The following MAML3 variants were observed in gnomAD, a reference collection of about 807,000 sequenced individuals.
The protein encoded by MAML3 is mastermind-like protein 3.
A neutral mutation model predicts 101.9 loss-of-function variants in MAML3; 27 were observed. That is an observed-to-expected ratio of 0.27 (90% CI 0.20 to 0.37). The LOEUF is 0.37. MAML3 is among the 10% of genes least tolerant of loss of function. The pLI is 1.00. For synonymous variants in MAML3, 501 were observed against 555.9 expected (o/e 0.90, Z 1.39); for missense variants, 1,316 against 1,444.9 (o/e 0.91, Z 1.45).
At chr4:139,767,683 T>C (rs1039504388) in intron 2 of MAML3, among the ~76,000 whole-genome samples, 13 of 152,346 alleles carry the variant, frequency 8.5e-5, no homozygotes, top group African/African-American at 3.1e-4. Context: ...TATTCTCACA[T>C]AGTATTTCTT....
At chr4:139,889,293 A>C (rs1338484423) in intron 2 of MAML3, 64 bp downstream of exon 2, 1 of 1,612,870 alleles carries the variant, frequency 6.2e-7, no homozygotes, top group Non-Finnish European at 8.5e-7. Context: ...GTAGAACATC[A>C]CACATCGACA....
intron 2 of MAML3, among the ~76,000 whole-genome samples, chr4:139,823,803 TG>T (rs1731015930): frequency 2.0e-5 from 3 of 151,328 alleles, no homozygotes; most frequent in African/African-American, 7.3e-5. Context: ...CAGATTTAAG[TG>T]CCTAGAGCAG....
chr4:139,873,461 A>T (rs1732053072), intron 2 of MAML3, among the ~76,000 whole-genome samples: 1 of 152,102 alleles, frequency 6.6e-6, no homozygotes, highest in South Asian at 2.1e-4. Context: ...AATTCTTGAC[A>T]CTCCCTTCAG....
At chr4:139,832,282 AT>A (rs201908555) in intron 2 of MAML3, among the ~76,000 whole-genome samples, 1 of 140,852 alleles carries the variant, frequency 7.1e-6, no homozygotes, top group African/African-American at 2.7e-5. Context: ...TTTTTTTTTT[AT>A]TTTTATTTTT....
chr4:139,729,418 G>A (rs772624556), intron 3 of MAML3, among the ~76,000 whole-genome samples: 9 of 152,210 alleles, frequency 5.9e-5, no homozygotes, highest in Admixed American at 2.0e-4. Flanking sequence ...CCAGAAGTTC[G>A]AGACCAGCCT....
Position 139,943,864 on chromosome 4 carries a change from C to CTTTTTTTTTTTTTTTTTTTTTTTTTTT in MAML3, c.469-52898_469-52897insAAAAAAAAAAAAAAAAAAAAAAAAAAA, listed in dbSNP as rs10644498. 4.4e-4 allele frequency among the ~76,000 whole-genome samples: 29 copies of CTTTTTTTTTTTTTTTTTTTTTTTTTTT among 65,864 alleles called. 3 individuals carry two copies. Among genetic ancestry groups the CTTTTTTTTTTTTTTTTTTTTTTTTTTT allele is most frequent in the East Asian group, 1.0e-3 (2 of 1,908 alleles). The allele number at this position is 65,864 out of a possible 152,430, so 43.2% of individuals were successfully genotyped here. A position where few individuals can be genotyped will look rare whatever the true frequency, so the allele number is the denominator to read the frequency against. ...GGTTGGGTTGTGGGCCTAAAGACAACTTTTTTTTTTTTTTTTTTTTTTTTG... is the reference window on the plus strand; with the variant it reads ...GGTTGGGTTGTGGGCCTAAAGACAACTTTTTTTTTTTTTTTTTTTTTTTTTTTTTTTTTTTTTTTTTTTTTTTTTTTG... On this transcript the variant is annotated intron_variant, in intron 1 of 4. Transcript: ENST00000509479.
intron 1 of MAML3, among the ~76,000 whole-genome samples, chr4:140,109,044 CTTG>C (rs1363653013): frequency 1.3e-5 from 2 of 152,160 alleles, no homozygotes; most frequent in African/African-American, 4.8e-5. Context: ...CTAGTTTCAA[CTTG>C]TTGAGACAAA....
chr4:139,860,189 G>A (rs932866985), intron 2 of MAML3, among the ~76,000 whole-genome samples: 2 of 152,236 alleles, frequency 1.3e-5, no homozygotes, highest in African/African-American at 4.8e-5. Context: ...TGGAAACGCC[G>A]TGGGGTCGGA....
intron 3 of MAML3, among the ~76,000 whole-genome samples, chr4:139,726,212 T>C (rs939831439): frequency 1.3e-5 from 2 of 152,236 alleles, no homozygotes; most frequent in Non-Finnish European, 2.9e-5. Flanking sequence ...GTGTCTGGCT[T>C]CTTGCATTCA....
At chr4:139,932,449 T>C (rs533344553) in intron 1 of MAML3, among the ~76,000 whole-genome samples, 2 of 152,336 alleles carry the variant, frequency 1.3e-5, no homozygotes, top group South Asian at 4.1e-4. Context: ...GTTAAGTGCT[T>C]TAATAAGTAG....
chr4:140,145,854 C>A lies in MAML3; in HGVS notation c.468+7006G>T, dbSNP rs1252684724. ...CTGGGATTACATGCATGAGCCACTG[C>A]GCCTGGCCTTTTTTTTCTTTTTTCT... On this transcript the variant is annotated intron_variant, in intron 1 of 4. Transcript: ENST00000509479. Among the ~76,000 whole-genome samples, 3 of 145,470 alleles carry A rather than the reference C, an allele frequency of 2.1e-5. No homozygotes were observed. In the East Asian group the frequency reaches 6.2e-4, roughly 30 times the overall value.
chr4:139,863,989 G>A (rs1363010404), intron 2 of MAML3, among the ~76,000 whole-genome samples: 4 of 152,090 alleles, frequency 2.6e-5, no homozygotes, highest in Admixed American at 1.3e-4. Context: ...TCATTAGTGG[G>A]CACATCTTCA....
At chr4:139,892,930 C>CAAAA (rs572440211) in intron 1 of MAML3, among the ~76,000 whole-genome samples, 2 of 69,854 alleles carry the variant, frequency 2.9e-5, no homozygotes, top group Admixed American at 1.5e-4. Flanking sequence ...GACTCCGTCT[C>CAAAA]AAAAAAAAAA....
At chr4:139,960,752 G>A (rs1733997180) in intron 1 of MAML3, among the ~76,000 whole-genome samples, 1 of 152,124 alleles carries the variant, frequency 6.6e-6, no homozygotes, top group African/African-American at 2.4e-5. Flanking sequence ...GGCAGAAAGA[G>A]CGGAGTCCCA....
intron 1 of MAML3, among the ~76,000 whole-genome samples, chr4:140,013,043 G>T (rs1034712609): frequency 1.3e-5 from 2 of 152,094 alleles, no homozygotes; most frequent in Non-Finnish European, 2.9e-5. Context: ...TGAAAGACAA[G>T]TCCAAATAGG....
intron 1 of MAML3, among the ~76,000 whole-genome samples, chr4:140,106,659 C>A (rs1006874744): frequency 3.3e-5 from 5 of 152,234 alleles, no homozygotes; most frequent in African/African-American, 1.2e-4. Flanking sequence ...TCAATTTCAT[C>A]ACTTTTAATG....
At chr4:139,951,274 A>AC (rs1733827498) in intron 1 of MAML3, among the ~76,000 whole-genome samples, 1 of 152,226 alleles carries the variant, frequency 6.6e-6, no homozygotes, top group Non-Finnish European at 1.5e-5. Context: ...AGTAGCAGCC[A>AC]CGCTGCCTTC....
intron 2 of MAML3, among the ~76,000 whole-genome samples, chr4:139,802,934 T>C (rs1730633691): frequency 6.6e-6 from 1 of 152,244 alleles, no homozygotes; most frequent in East Asian, 1.9e-4. Flanking sequence ...AAAAATATCT[T>C]ATACCTAATT....
chr4:140,111,526 T>A (rs564422962), intron 1 of MAML3, among the ~76,000 whole-genome samples: 1 of 152,340 alleles, frequency 6.6e-6, no homozygotes, highest in South Asian at 2.1e-4. Flanking sequence ...CATATAATTG[T>A]GTGTGGATTT....
Sources: gnomAD v4.1 joint callset for allele counts (sites outside exome capture counted in the v4.1 genomes callset) on GRCh38, gnomAD v4.1.1 for gene constraint, MANE v1.5 for transcripts, NCBI Gene and HGNC (gene_info 2026-07-23, HGNC 2026-07-21) for gene names.